WNT3A: variants seen among roughly 807,000 people sequenced by gnomAD.
The protein encoded by WNT3A is Wnt family member 3A.
In WNT3A, 17 loss-of-function variants were observed where a neutral mutation model predicts 37.0. The observed-to-expected ratio is 0.46, with a 90% CI of 0.31 to 0.69. The LOEUF (loss-of-function observed/expected upper bound fraction) is 0.69. Among genes scored for constraint, WNT3A ranks in the 30% least tolerant of loss-of-function variants. The pLI is 0.05. For missense variants in WNT3A, 411 were observed against 510.2 expected, an observed-to-expected ratio of 0.81 and a Z score of 1.87; for synonymous variants, 187 against 211.0, an observed-to-expected ratio of 0.89 and a Z score of 0.99.
Position 228,038,447 on chromosome 1 carries a change from G to T in WNT3A, c.314-12209G>T, listed in dbSNP as rs999067524. Among the ~76,000 whole-genome samples, 14 of 152,336 alleles carry T rather than the reference G, an allele frequency of 9.2e-5. No individual in the cohort carries two copies. The highest frequency in any genetic ancestry group is 2.6e-4 in the African/African-American group (11 of 41,588). On this transcript the variant is annotated intron_variant, in intron 2 of 3. Coordinates refer to ENST00000284523, the MANE Select transcript of WNT3A (RefSeq NM_033131.4). This position sits in a 1 kb window ranked among gnomAD's most constrained non-coding sequence, Gnocchi z 5.7. ...TCCCGATGGGCACGAGAAGGACTTT[G>T]CTTGTCCTTTTTCAGGGGCGATGGT...
chr1:228,045,776 T>C (rs1463214923), intron 2 of WNT3A, among the ~76,000 whole-genome samples: 7 of 152,138 alleles, frequency 4.6e-5, no homozygotes, highest in Admixed American at 3.3e-4. Flanking sequence ...GGTTGCATGA[T>C]GGGCCTGGGT....
At chr1:228,026,417 A>T (rs964736623) in intron 2 of WNT3A, among the ~76,000 whole-genome samples, 1 of 152,042 alleles carries the variant, frequency 6.6e-6, no homozygotes, top group Non-Finnish European at 1.5e-5. Flanking sequence ...GCCTGCATAT[A>T]TGGTGTTGGC....
At chr1:228,021,324 G>A (rs1023820686) in intron 1 of WNT3A, among the ~76,000 whole-genome samples, 39 of 152,316 alleles carry the variant, frequency 2.6e-4, no homozygotes, top group South Asian at 4.1e-4. Flanking sequence ...CACAGGTGTC[G>A]AATGCCTTTT....
intron 2 of WNT3A, among the ~76,000 whole-genome samples, chr1:228,033,005 C>T (rs758444138): frequency 9.2e-5 from 14 of 152,132 alleles, no homozygotes; most frequent in Non-Finnish European, 1.5e-4. Flanking sequence ...ATTCTTCCAC[C>T]CACATTTTAA....
At position 228,007,797 on chromosome 1, in the gene WNT3A, G is replaced by C. The variant is rs1010856387; in HGVS notation, c.71+598G>C. On this transcript the variant is annotated intron_variant, in intron 1 of 3. Transcript: ENST00000284523. This position sits in a 1 kb window ranked among gnomAD's most constrained non-coding sequence, Gnocchi z 6.0. ...CGCCTCCCCGCCGCAGTCCGGGCACGGGGGTTTCCAGGGGCCCTCTCTGCG... is the reference window on the plus strand; with the variant it reads ...CGCCTCCCCGCCGCAGTCCGGGCACCGGGGTTTCCAGGGGCCCTCTCTGCG... 1.1e-4 allele frequency among the ~76,000 whole-genome samples: 16 copies of C among 150,848 alleles called. No homozygotes were observed. Among genetic ancestry groups the C allele is most frequent in the African/African-American group, 3.9e-4 (16 of 41,244 alleles).
chr1:228,042,750 A>G lies in WNT3A; in HGVS notation c.314-7906A>G, dbSNP rs2031316812. 6.6e-6 allele frequency among the ~76,000 whole-genome samples: 1 copy of G among 150,938 alleles called. No homozygotes were observed. Among genetic ancestry groups the G allele is most frequent in the African/African-American group, 2.4e-5 (1 of 40,932 alleles). On this transcript the variant is annotated intron_variant, in intron 2 of 3. Transcript: ENST00000284523. The surrounding 1 kb of genome is among the most constrained non-coding windows in gnomAD (Gnocchi z 5.2). Reference sequence around the variant, plus strand: ...GGATAATGTATGGATATGGATGATGAATGGATGAATGGTGGATGATGGATG... The same window carrying G: ...GGATAATGTATGGATATGGATGATGGATGGATGAATGGTGGATGATGGATG...
chr1:228,042,846 G>A lies in WNT3A; in HGVS notation c.314-7810G>A, dbSNP rs1210156797. The stretch of plus-strand genomic sequence containing the variant: ...GGATGATGGATGGATGTGGATGACA[G>A]ATGATGGGTGATGGGTGGATGGATA... On this transcript the variant is annotated intron_variant, in intron 2 of 3. Transcript: ENST00000284523. This position sits in a 1 kb window ranked among gnomAD's most constrained non-coding sequence, Gnocchi z 5.2. Among the ~76,000 whole-genome samples, 2 of 151,726 alleles carry A rather than the reference G, an allele frequency of 1.3e-5. No individual in the cohort carries two copies.
At position 228,031,684 on chromosome 1, in the gene WNT3A, G is replaced by A. The variant is rs2031015462; in HGVS notation, c.313+8776G>A. On this transcript the variant is annotated intron_variant, in intron 2 of 3. Coordinates refer to ENST00000284523, the MANE Select transcript of WNT3A (RefSeq NM_033131.4). This position sits in a 1 kb window ranked among gnomAD's most constrained non-coding sequence, Gnocchi z 4.8. ...TGCCTGTGCATGGGTGTATGTGGATGTGCCTGTGCCGTGTGCATGTGGCTG... is the reference window on the plus strand; with the variant it reads ...TGCCTGTGCATGGGTGTATGTGGATATGCCTGTGCCGTGTGCATGTGGCTG... Among the ~76,000 whole-genome samples, 1 of 152,134 alleles carries A rather than the reference G, an allele frequency of 6.6e-6. No homozygotes were observed. Among genetic ancestry groups the A allele is most frequent in the Non-Finnish European group, 1.5e-5 (1 of 68,026 alleles).
rs984885623 is a variant in WNT3A, at chr1:228,060,539, C to T, written c.*1074C>T. The T allele has an allele frequency of 2.2e-5, 6 of 275,076 alleles. No homozygotes were observed. The highest frequency in any genetic ancestry group is 1.7e-4 in the South Asian group (5 of 29,070). The allele number at this position is 275,076 out of a possible 1,614,324, so 17.0% of individuals were successfully genotyped here. ...ACAGGGACTTCGCAGAGGCAAGCGA[C>T]CGAGGCCCTCCCAAAGAGGCCCGCC... On this transcript the variant is annotated 3_prime_UTR_variant, in exon 4 of 4. Coordinates refer to ENST00000284523, the MANE Select transcript of WNT3A (RefSeq NM_033131.4).
intron 1 of WNT3A, among the ~76,000 whole-genome samples, chr1:228,011,917 C>T (rs1423198737): frequency 6.6e-6 from 1 of 152,232 alleles, no homozygotes; most frequent in Non-Finnish European, 1.5e-5. Flanking sequence ...TGCCAGGATC[C>T]GTAGCCGCCT....
intron 2 of WNT3A, among the ~76,000 whole-genome samples, chr1:228,029,780 G>A (rs1460852753): frequency 6.8e-6 from 1 of 147,168 alleles, no homozygotes; most frequent in Non-Finnish European, 1.5e-5. Context: ...TCACCCACAG[G>A]TGACGGTGTT....
intron 2 of WNT3A, among the ~76,000 whole-genome samples, chr1:228,041,243 A>G (rs1160425174): frequency 1.3e-5 from 2 of 152,140 alleles, no homozygotes; most frequent in Non-Finnish European, 2.9e-5. Context: ...ATCAAAGCTC[A>G]TCTCATGATT....
chr1:228,022,992 T>C, intron 2 of WNT3A, 84 bp downstream of exon 2: 1 of 1,529,644 alleles, frequency 6.5e-7, no homozygotes, highest in Non-Finnish European at 8.8e-7. Flanking sequence ...TTCTCATCTG[T>C]GCACACGGTG....
Position 228,008,661 on chromosome 1 carries a change from G to A in WNT3A, c.71+1462G>A, listed in dbSNP as rs192317727. The stretch of plus-strand genomic sequence containing the variant: ...TCCAGACGGCCGCAGGGAGCCAGGG[G>A]CAGCGCGTCCGTCCGAGAGAGCCCC... On this transcript the variant is annotated intron_variant, in intron 1 of 3. Transcript: ENST00000284523. This position sits in a 1 kb window ranked among gnomAD's most constrained non-coding sequence, Gnocchi z 4.9. Among the ~76,000 whole-genome samples, 47 of 152,298 alleles carry A rather than the reference G, an allele frequency of 3.1e-4. No homozygotes were observed. The East Asian group carries it at 5.2e-3, about 17-fold the overall frequency.
Position 228,007,232 on chromosome 1 carries a change from C to T in WNT3A, c.71+33C>T. On this transcript the variant is annotated intron_variant, in intron 1 of 3. Transcript: ENST00000284523. The surrounding 1 kb of genome is among the most constrained non-coding windows in gnomAD (Gnocchi z 6.0). ...AGCCTCCTCGCGTTCGCCCCTGCCC[C>T]TGTGCGCCGCGCCCGCAGCAGACGG... 2 of 1,582,372 alleles carry T rather than the reference C, an allele frequency of 1.3e-6. No homozygotes were observed. The highest frequency in any genetic ancestry group is 1.7e-6 in the Non-Finnish European group (2 of 1,164,496).
intron 1 of WNT3A, among the ~76,000 whole-genome samples, chr1:228,018,362 G>A (rs1437085159): frequency 6.6e-6 from 1 of 151,906 alleles, no homozygotes; most frequent in African/African-American, 2.4e-5. Context: ...TTGGATCCTA[G>A]GAGCTTTTGG....
At chr1:228,010,905 T>A (rs553215293) in intron 1 of WNT3A, among the ~76,000 whole-genome samples, 70 of 152,232 alleles carry the variant, frequency 4.6e-4, no homozygotes, top group African/African-American at 1.6e-3. Context: ...GCCCCCACTC[T>A]CCTACACACT....
chr1:228,059,197 A>T lies in WNT3A; in HGVS notation c.791A>T (p.Lys264Met), dbSNP rs766763034. Residue 264 changes from lysine to methionine, a missense_variant, in exon 4 of 4, where the codon AAG (lysine) becomes ATG (methionine). Lys to Met is a moderately conservative substitution (Grantham distance 95). Coordinates refer to ENST00000284523, the MANE Select transcript of WNT3A (RefSeq NM_033131.4). The part of the protein sequence containing the change: ...ETLRPRYTYF[K>M]VPTERDLVYY... ...CTGCGGCCGCGCTACACCTACTTCA[A>T]GGTGCCCACGGAGCGCGACCTGGTC... 3 of 1,612,404 alleles carry T rather than the reference A, an allele frequency of 1.9e-6. No individual in the cohort carries two copies. Among genetic ancestry groups the T allele is most frequent in the Non-Finnish European group, 2.5e-6 (3 of 1,179,680 alleles).
At chr1:228,053,405 C>T (rs2031599612) in intron 3 of WNT3A, among the ~76,000 whole-genome samples, 1 of 152,036 alleles carries the variant, frequency 6.6e-6, no homozygotes, top group Non-Finnish European at 1.5e-5. Context: ...TCTTTGTGAC[C>T]TTAGAGTAGG....
Sources: allele counts gnomAD v4.1 joint callset (sites outside exome capture counted in the v4.1 genomes callset), GRCh38; gene constraint gnomAD v4.1.1; non-coding constraint Gnocchi (gnomAD v3.1); transcripts MANE v1.5; gene names NCBI Gene and HGNC (gene_info 2026-07-23, HGNC 2026-07-21).